STXBP5: variants seen among roughly 807,000 people sequenced by gnomAD.
STXBP5 encodes syntaxin-binding protein 5.
STXBP5 carries 50 observed loss-of-function variants against 152.4 expected under a neutral mutation model. The observed-to-expected ratio is 0.33, with a 90% CI of 0.26 to 0.42. The LOEUF is 0.42. Among genes scored for constraint, STXBP5 ranks in the 10% least tolerant of loss-of-function variants. The pLI is 1.00. For missense variants in STXBP5, 1,167 were observed against 1,388.6 expected, an observed-to-expected ratio of 0.84 and a Z score of 2.54; for synonymous variants, 492 against 494.7, an observed-to-expected ratio of 0.99 and a Z score of 0.07.
chr6:147,210,962 A>G (rs1290339253), intron 2 of STXBP5, among the ~76,000 whole-genome samples: 3 of 152,170 alleles, frequency 2.0e-5, no homozygotes, highest in Non-Finnish European at 4.4e-5. Flanking sequence ...AGCTAATACA[A>G]ACTTTGAGGA....
intron 8 of STXBP5, among the ~76,000 whole-genome samples, chr6:147,282,240 C>T (rs1406242572): frequency 6.6e-6 from 1 of 152,134 alleles, no homozygotes. Flanking sequence ...AAAGGTATGT[C>T]ATAGTGAAAG....
Position 147,207,003 on chromosome 6 carries a change from A to AG in STXBP5, c.248+935_248+936insG, listed in dbSNP as rs568987406. ...TAATGTGTTGGTGATAAATAGAAAA[A>AG]AAAAATCACTAGATGATTTCAGTAG... On this transcript the variant is annotated intron_variant, in intron 2 of 27. Transcript: ENST00000321680. Among the ~76,000 whole-genome samples the AG allele has an allele frequency of 5.9e-5, 9 of 152,140 alleles. No individual in the cohort carries two copies. The South Asian group carries it at 1.9e-3, about 32-fold the overall frequency.
At position 147,390,244 on chromosome 6, in the gene STXBP5, A is replaced by G. The variant is rs1182237815; in HGVS notation, c.*5489A>G. ...ACACTAAAAACGTGTTAAACTTTGT[A>G]GTTATTTTGCATTCCTGTACTTTAC... On this transcript the variant is annotated 3_prime_UTR_variant, in exon 28 of 28. Coordinates refer to ENST00000321680, the MANE Select transcript of STXBP5 (RefSeq NM_001127715.4). The G allele has an allele frequency of 1.3e-5, 2 of 152,092 alleles. No individual in the cohort carries two copies. 9.4% of individuals were successfully genotyped at this position (152,092 alleles called of 1,614,324 possible). A position where few individuals can be genotyped will look rare whatever the true frequency, so the allele number is the denominator to read the frequency against.
At chr6:147,208,303 G>T (rs1776674658) in intron 2 of STXBP5, among the ~76,000 whole-genome samples, 1 of 152,098 alleles carries the variant, frequency 6.6e-6, no homozygotes, top group Admixed American at 6.5e-5. Context: ...GGTTTAAGTA[G>T]CAGATGAGCT....
At chr6:147,322,151 C>G (rs1022703410) in intron 16 of STXBP5, among the ~76,000 whole-genome samples, 1 of 152,132 alleles carries the variant, frequency 6.6e-6, no homozygotes, top group Non-Finnish European at 1.5e-5. Flanking sequence ...AGGACACTTC[C>G]TTGACCCTAA....
intron 3 of STXBP5, 115 bp from the exon 4 acceptor site, chr6:147,239,055 A>G (rs1315798868): frequency 3.5e-6 from 3 of 864,000 alleles, no homozygotes; most frequent in African/African-American, 3.4e-5. Context: ...TTAGATCTAA[A>G]TCTGTTGGCA....
At chr6:147,314,801 CTT>C (rs1292944321) in intron 14 of STXBP5, among the ~76,000 whole-genome samples, 165 bp downstream of exon 14, 2 of 151,964 alleles carry the variant, frequency 1.3e-5, no homozygotes, top group African/African-American at 4.8e-5. Flanking sequence ...TTAATATAGT[CTT>C]AATATTAGTA....
At chr6:147,275,383 C>CT (rs1226008411) in intron 7 of STXBP5, among the ~76,000 whole-genome samples, 1 of 151,442 alleles carries the variant, frequency 6.6e-6, no homozygotes, top group African/African-American at 2.4e-5. Context: ...TCTGTCTTCA[C>CT]TTTTTTTTCT....
At chr6:147,353,721 T>G (rs1320244516) in intron 22 of STXBP5, among the ~76,000 whole-genome samples, 2 of 152,192 alleles carry the variant, frequency 1.3e-5, no homozygotes, top group Non-Finnish European at 2.9e-5. Flanking sequence ...TTGAACTTTA[T>G]AAAATTATTT....
chr6:147,233,879 T>C (rs1269013974), intron 2 of STXBP5, among the ~76,000 whole-genome samples: 1 of 149,728 alleles, frequency 6.7e-6, no homozygotes, highest in African/African-American at 2.4e-5. Flanking sequence ...ACTACTACTA[T>C]TACTACTACT....
At chr6:147,346,346 G>C (rs373489664) in intron 21 of STXBP5, among the ~76,000 whole-genome samples, 2 of 152,262 alleles carry the variant, frequency 1.3e-5, no homozygotes, top group South Asian at 2.1e-4. Flanking sequence ...CTGACTAGAG[G>C]TTCTCCAGAG....
Position 147,206,051 on chromosome 6 carries a change from G to C in STXBP5, c.231G>C (p.Gln77His). The change falls in exon 2 of 28, where the codon CAG (glutamine) becomes CAC (histidine). Residue 77 changes from glutamine (Q) to histidine (H), a missense_variant. Coordinates refer to ENST00000321680, the MANE Select transcript of STXBP5 (RefSeq NM_001127715.4). The part of the protein sequence containing the change: ...PVQKILAVGT[Q>H]TGALRLFGRP... ...AGAAGATCCTGGCAGTGGGAACTCA[G>C]ACTGGTGCTTTAAGGCTGTATCCTT... 1 of 1,613,934 alleles carries C rather than the reference G, an allele frequency of 6.2e-7. No homozygotes were observed. The highest frequency in any genetic ancestry group is 1.1e-5 in the South Asian group (1 of 91,078).
chr6:147,212,963 G>A (rs1776935758), intron 2 of STXBP5, among the ~76,000 whole-genome samples: 1 of 152,064 alleles, frequency 6.6e-6, no homozygotes, highest in Admixed American at 6.5e-5. Context: ...GTTGTTAAAT[G>A]TCAGGATGTA....
At chr6:147,325,755 C>A (rs949375457) in intron 17 of STXBP5, among the ~76,000 whole-genome samples, 3 of 152,042 alleles carry the variant, frequency 2.0e-5, no homozygotes, top group African/African-American at 7.2e-5. Flanking sequence ...TGATGCTAGC[C>A]CTAGGGACTC....
chr6:147,344,969 A>G (rs919441095), intron 21 of STXBP5, among the ~76,000 whole-genome samples: 5 of 152,196 alleles, frequency 3.3e-5, no homozygotes, highest in Non-Finnish European at 7.4e-5. Context: ...CAAGAATGAA[A>G]AGAACTTGGT....
At chr6:147,284,915 T>G (rs1780884391) in intron 8 of STXBP5, among the ~76,000 whole-genome samples, 1 of 152,222 alleles carries the variant, frequency 6.6e-6, no homozygotes, top group South Asian at 2.1e-4. Flanking sequence ...ATCACTTTAA[T>G]GATAGTACAT....
At chr6:147,363,875 A>G (rs564817028) in intron 24 of STXBP5, 126 bp from the exon 25 acceptor site, 11 of 1,356,042 alleles carry the variant, frequency 8.1e-6, no homozygotes, top group Middle Eastern at 2.0e-4. Context: ...ACCATTTTTT[A>G]TCTCCCACTC....
At chr6:147,302,312 A>C (rs1163036025) in intron 9 of STXBP5, among the ~76,000 whole-genome samples, 1 of 152,136 alleles carries the variant, frequency 6.6e-6, no homozygotes, top group South Asian at 2.1e-4. Context: ...GGGCTAGGAG[A>C]TTCTGAACAG....
rs1455401023 is a variant in STXBP5 at position 147,387,790 on chromosome 6, T to G, written c.*3035T>G. On this transcript the variant is annotated 3_prime_UTR_variant, in exon 28 of 28. Transcript: ENST00000321680. ...AATAGTTTAAAGAACGAAGCAATTTTTTTTTTTTTGGCTTAGAACTTCTTA... is the reference window on the plus strand; with the variant it reads ...AATAGTTTAAAGAACGAAGCAATTTGTTTTTTTTTGGCTTAGAACTTCTTA... 1 of 151,762 alleles carries G rather than the reference T, an allele frequency of 6.6e-6. No homozygotes were observed. The highest frequency in any genetic ancestry group is 1.5e-5 in the Non-Finnish European group (1 of 67,742). The allele number at this position is 151,762 out of a possible 1,614,324, so 9.4% of individuals were successfully genotyped here. A position where few individuals can be genotyped will look rare whatever the true frequency, so the allele number is the denominator to read the frequency against.
Sources: allele counts gnomAD v4.1 joint callset (sites outside exome capture counted in the v4.1 genomes callset), GRCh38; gene constraint gnomAD v4.1.1; transcripts MANE v1.5; gene names NCBI Gene and HGNC (gene_info 2026-07-23, HGNC 2026-07-21).